ATP9B: variants seen among roughly 807,000 people sequenced by gnomAD.
ATP9B encodes the protein ATPase phospholipid transporting 9B.
In ATP9B, 110 loss-of-function variants were observed where a neutral mutation model predicts 146.1. The ratio of observed to expected loss-of-function variants is 0.75; its 90% CI spans 0.65 to 0.88. ATP9B has a LOEUF of 0.88. Among genes scored for constraint, ATP9B ranks in the 40% least tolerant of loss-of-function variants. The pLI, the probability that ATP9B is intolerant of heterozygous loss-of-function variation, is 0.00. For missense variants in ATP9B, 1,499 were observed against 1,496.4 expected (o/e 1.00, Z -0.03); for synonymous variants, 604 against 569.7 (o/e 1.06, Z -0.86).
rs1258966171 is a variant in ATP9B, at chr18:79,213,976, G to C, written c.1045G>C (p.Val349Leu). Residue 349 changes from valine (V) to leucine (L), a missense_variant, in exon 11 of 30, where the codon GTT (valine) becomes CTT (leucine). Transcript: ENST00000426216. ...TIVASGTVIG[V>L]VIYTGKETRS... ...TGTTTTTGCAGGTACTGTAATAGGT[G>C]TTGTCATTTATACCGGAAAAGAGAC... The C allele has an allele frequency of 1.2e-6, 2 of 1,606,314 alleles. No individual in the cohort carries two copies. The highest frequency in any genetic ancestry group is 2.7e-5 in the African/African-American group (2 of 74,464).
intron 4 of ATP9B, chr18:79,117,726 T>A (rs1282455711): frequency 6.6e-6 from 1 of 152,220 alleles, no homozygotes; most frequent in Non-Finnish European, 1.5e-5. Flanking sequence ...CTGAAGTGTA[T>A]ACAACAGAAT....
At chr18:79,134,625 T>A (rs2094426075) in intron 5 of ATP9B, among the ~76,000 whole-genome samples, 1 of 152,242 alleles carries the variant, frequency 6.6e-6, no homozygotes, top group South Asian at 2.1e-4. Flanking sequence ...CCAACAAATG[T>A]CCTTCCTTGC....
chr18:79,234,458 T>TTTCAACAAACATCA (rs2095820374), intron 11 of ATP9B, among the ~76,000 whole-genome samples: 2 of 152,240 alleles, frequency 1.3e-5, no homozygotes, highest in Non-Finnish European at 2.9e-5. Context: ...TCTGTCATGT[T>TTTCAACAAACATCA]GAAGGTAGAT....
In ATP9B at chr18:79,074,243, T is replaced by C. The variant is rs1014532292; in HGVS notation, c.119+4714T>C. ...AGGCCTGGCGTCTCTTACTAAAAGA[T>C]GGAAGTGTCAGACCCATGGGGATGA... On this transcript the variant is annotated intron_variant, in intron 1 of 29. Coordinates refer to ENST00000426216, the MANE Select transcript of ATP9B (RefSeq NM_198531.5). Among the ~76,000 whole-genome samples the C allele has an allele frequency of 2.0e-5, 3 of 152,240 alleles. No homozygotes were observed. The South Asian group carries it at 6.2e-4, about 32-fold the overall frequency.
intron 9 of ATP9B, among the ~76,000 whole-genome samples, chr18:79,201,379 T>C (rs2095486246): frequency 6.6e-6 from 1 of 152,220 alleles, no homozygotes; most frequent in Non-Finnish European, 1.5e-5. Context: ...GGTATCCACT[T>C]ATCTTCCTTT....
chr18:79,342,068 G>T (rs1462400026), intron 19 of ATP9B, among the ~76,000 whole-genome samples, 200 bp from the exon 20 acceptor site: 3 of 152,202 alleles, frequency 2.0e-5, no homozygotes, highest in African/African-American at 7.2e-5. Context: ...GAACCACAAT[G>T]CAGCCTGTAT....
intron 7 of ATP9B, among the ~76,000 whole-genome samples, chr18:79,157,396 CAAAAAAA>C (rs147316668): frequency 6.2e-5 from 3 of 48,594 alleles, no homozygotes; most frequent in South Asian, 1.3e-3. Flanking sequence ...AACTCCATCT[CAAAAAAA>C]AAAAAAAAAA....
chr18:79,370,967 A>T (rs1030287920), intron 26 of ATP9B, among the ~76,000 whole-genome samples: 16 of 152,224 alleles, frequency 1.1e-4, no homozygotes, highest in Non-Finnish European at 2.4e-4. Context: ...GTGACCAAAG[A>T]CCAAACACCT....
intron 13 of ATP9B, among the ~76,000 whole-genome samples, chr18:79,277,579 A>G (rs2096326413): frequency 6.6e-6 from 1 of 152,186 alleles, no homozygotes; most frequent in Admixed American, 6.5e-5. Flanking sequence ...CTATTAGAAG[A>G]AAATAACAGA....
rs141264681 is a variant in ATP9B at position 79,347,851 on chromosome 18, C to T, written c.2764C>T (p.Arg922Trp). 9 of 1,613,886 alleles carry T rather than the reference C, an allele frequency of 5.6e-6. No individual in the cohort carries two copies. The highest frequency in any genetic ancestry group is 5.3e-5 in the African/African-American group (4 of 75,016). The change falls in exon 24 of 30, where the codon CGG (arginine) becomes TGG (tryptophan). Residue 922 changes from arginine to tryptophan, a missense_variant. Coordinates refer to ENST00000426216, the MANE Select transcript of ATP9B (RefSeq NM_198531.5). ...HIGRLLMVHGRNSYKRSAALG... is the reference protein window; with the variant it reads ...HIGRLLMVHGWNSYKRSAALG... Reference sequence around the variant, plus strand: ...AGGCAGGCTGCTCATGGTGCACGGGCGGAACAGCTACAAGAGGTCGGCGGC... The same window carrying T: ...AGGCAGGCTGCTCATGGTGCACGGGTGGAACAGCTACAAGAGGTCGGCGGC...
chr18:79,238,856 G>A lies in ATP9B; in HGVS notation c.1108-14525G>A, dbSNP rs142675894. 1.4e-3 allele frequency among the ~76,000 whole-genome samples: 205 copies of A among 148,842 alleles called. 1 individual carries two copies. The highest frequency in any genetic ancestry group is 4.7e-3 in the African/African-American group (194 of 41,412). On this transcript the variant is annotated intron_variant, in intron 11 of 29. Coordinates refer to ENST00000426216, the MANE Select transcript of ATP9B (RefSeq NM_198531.5). The stretch of plus-strand genomic sequence containing the variant: ...TGGCCACATGGGCAGTGACGCGGAC[G>A]CAGTGAAGCGGATGCAGTGACGCAG...
At chr18:79,156,901 C>T (rs1034430692) in intron 7 of ATP9B, among the ~76,000 whole-genome samples, 4 of 152,108 alleles carry the variant, frequency 2.6e-5, no homozygotes, top group Admixed American at 6.5e-5. Context: ...CAGACTGCTG[C>T]GTGGGAGAAG....
intron 25 of ATP9B, 77 bp from the exon 26 acceptor site, chr18:79,359,277 C>A: frequency 8.8e-7 from 1 of 1,131,594 alleles, no homozygotes; most frequent in Non-Finnish European, 1.3e-6. Context: ...AAGCTGTGAC[C>A]TCTAATCCAG....
At chr18:79,155,227 A>G (rs2094756499) in intron 7 of ATP9B, among the ~76,000 whole-genome samples, 1 of 152,220 alleles carries the variant, frequency 6.6e-6, no homozygotes, top group Admixed American at 6.5e-5. Flanking sequence ...TCCTAACTGT[A>G]TAGGTACTGT....
intron 11 of ATP9B, among the ~76,000 whole-genome samples, chr18:79,247,858 A>G (rs557999525): frequency 6.6e-6 from 1 of 152,360 alleles, no homozygotes; most frequent in South Asian, 2.1e-4. Flanking sequence ...TGAGTATAGA[A>G]TAGGCAAAAT....
intron 21 of ATP9B, among the ~76,000 whole-genome samples, chr18:79,344,580 C>T (rs1221271322): frequency 6.6e-6 from 1 of 152,214 alleles, no homozygotes; most frequent in Non-Finnish European, 1.5e-5. Context: ...TGCTTTTGCC[C>T]ATTCATGCTG....
chr18:79,199,920 T>A (rs984603704), intron 9 of ATP9B, among the ~76,000 whole-genome samples: 3 of 152,228 alleles, frequency 2.0e-5, no homozygotes, highest in African/African-American at 7.2e-5. Flanking sequence ...GATAACAATG[T>A]GTTTTTCTGG....
At position 79,377,848 on chromosome 18, in the gene ATP9B, C is replaced by T. The variant is rs1238371102; in HGVS notation, c.*465C>T. 1 of 162,608 alleles carries T rather than the reference C, an allele frequency of 6.1e-6. No individual in the cohort carries two copies. The highest frequency in any genetic ancestry group is 5.9e-5 in the Admixed American group (1 of 17,012). The allele number at this position is 162,608 out of a possible 1,614,324, so 10.1% of individuals were successfully genotyped here. A position where few individuals can be genotyped will look rare whatever the true frequency, so the allele number is the denominator to read the frequency against. On this transcript the variant is annotated 3_prime_UTR_variant, in exon 30 of 30. Transcript: ENST00000426216. ...GGAACGTCACCCCTGCCAGGCAAGC[C>T]CAGGGCACAGATGCTGCGATGGCCT... is the stretch of plus-strand genomic sequence containing the variant.
At chr18:79,367,571 C>A (rs113274636) in intron 26 of ATP9B, among the ~76,000 whole-genome samples, 1 of 146,336 alleles carries the variant, frequency 6.8e-6, no homozygotes, top group East Asian at 1.9e-4. Flanking sequence ...GCAGAGAAAG[C>A]GCCTCCTCAA....
Sources: gnomAD v4.1 joint callset for allele counts (sites outside exome capture counted in the v4.1 genomes callset) on GRCh38, gnomAD v4.1.1 for gene constraint, MANE v1.5 for transcripts, NCBI Gene and HGNC (gene_info 2026-07-23, HGNC 2026-07-21) for gene names.